Variants in SIPA1 observed in about 807,000 individuals in gnomAD.
The protein encoded by SIPA1 is signal-induced proliferation-associated protein 1.
Under a neutral mutation model 88.1 loss-of-function variants are expected in SIPA1, and 51 were observed. That is an observed-to-expected ratio of 0.58 (90% CI 0.46 to 0.73). The LOEUF is 0.73. Ranked by LOEUF, SIPA1 falls within the 30% of genes least tolerant of loss-of-function variation. The pLI is 0.00. For missense variants in SIPA1, 1,348 were observed against 1,467.6 expected, an observed-to-expected ratio of 0.92 and a Z score of 1.33; for synonymous variants, 681 against 664.8, an observed-to-expected ratio of 1.02 and a Z score of -0.37.
chr11:65,646,860 G>A lies in SIPA1; in HGVS notation c.1826G>A (p.Cys609Tyr). The A allele has an allele frequency of 1.4e-6, 2 of 1,480,646 alleles. No homozygotes were observed. Among genetic ancestry groups the A allele is most frequent in the Non-Finnish European group, 8.9e-7 (1 of 1,118,192 alleles). The allele number at this position is 1,480,646 out of a possible 1,614,324, so 91.7% of individuals were successfully genotyped here. A position where few individuals can be genotyped will look rare whatever the true frequency, so the allele number is the denominator to read the frequency against. Residue 609 changes from cysteine to tyrosine, a missense_variant, in exon 8 of 16, where the codon TGC (cysteine) becomes TAC (tyrosine). Physicochemically the swap from Cys to Tyr is radical, Grantham distance 194 (BLOSUM62 -2). Transcript: ENST00000534313. This position sits in a 1 kb window ranked among gnomAD's most constrained non-coding sequence, Gnocchi z 7.5. ...ASGPEGIEVP[C>Y]LLGISAEALV... The stretch of plus-strand genomic sequence containing the variant: ...GGCCCCGAAGGCATCGAGGTGCCCT[G>A]CCTGCTGGGCATCTCGGCCGAGGCT...
chr11:65,640,880 C>T lies in SIPA1; in HGVS notation c.-42C>T, dbSNP rs770661437. ...AGGCTGGGCACCAAACACCCGTGCC[C>T]GCCAATGCGGCCCAGCCCCCGGAGA... On this transcript the variant is annotated 5_prime_UTR_variant, in exon 2 of 16. Coordinates refer to ENST00000534313, the MANE Select transcript of SIPA1 (RefSeq NM_006747.4). 100 of 1,439,980 alleles carry T rather than the reference C, an allele frequency of 6.9e-5. No homozygotes were observed. The highest frequency in any genetic ancestry group is 8.5e-5 in the Non-Finnish European group (94 of 1,101,436). 89.2% of individuals were successfully genotyped at this position (1,439,980 alleles called of 1,614,324 possible).
chr11:65,647,726 C>G (rs751448218), intron 9 of SIPA1, 68 bp downstream of exon 9: 3 of 1,218,732 alleles, frequency 2.5e-6, no homozygotes, highest in Non-Finnish European at 3.1e-6. Flanking sequence ...CTGCGCCTCC[C>G]GGGTCGCCAT....
intron 1 of SIPA1, 149 bp from the exon 2 acceptor site, chr11:65,640,682 G>A (rs1430652539): frequency 2.1e-6 from 1 of 487,474 alleles, no homozygotes; most frequent in South Asian, 3.6e-5. Flanking sequence ...TTTAGCCCTA[G>A]GCAGACAAGG....
At chr11:65,640,662 G>A (rs1480476087) in intron 1 of SIPA1, 169 bp from the exon 2 acceptor site, 5 of 452,294 alleles carry the variant, frequency 1.1e-5, no homozygotes, top group African/African-American at 2.1e-5. Context: ...CTGGGGAGGG[G>A]GCTGGAAACT....
At position 65,641,579 on chromosome 11, in the gene SIPA1, C is replaced by G. The variant is rs749717835; in HGVS notation, c.658C>G (p.Arg220Gly). 6.2e-7 allele frequency: 1 copy of G among 1,608,996 alleles called. No individual in the cohort carries two copies. The highest frequency in any genetic ancestry group is 8.5e-7 in the Non-Finnish European group (1 of 1,177,978). ...EHADLGAGYY[R>G]KYFYGKEHQN... ...CGCAGACCTGGGTGCTGGCTACTACCGCAAATACTTCTATGGCAAAGGTGA... is the reference window on the plus strand; with the variant it reads ...CGCAGACCTGGGTGCTGGCTACTACGGCAAATACTTCTATGGCAAAGGTGA... Residue 220 changes from arginine to glycine, a missense_variant, in exon 2 of 16, where the codon CGC becomes GGC. Around this residue, in one of 4 missense-constraint regions of SIPA1, gnomAD observed 641 missense variants for 797.7 expected, o/e 0.80. Transcript: ENST00000534313.
At chr11:65,650,376 T>C (rs1453411404) in intron 14 of SIPA1, 25 bp from the exon 15 acceptor site, 1 of 1,611,912 alleles carries the variant, frequency 6.2e-7, no homozygotes, top group East Asian at 2.2e-5. Context: ...TTGGTCCTGC[T>C]GAGTCTTGAC....
intron 9 of SIPA1, among the ~76,000 whole-genome samples, chr11:65,648,923 G>A (rs1856193730): frequency 6.6e-6 from 1 of 152,144 alleles, no homozygotes; most frequent in African/African-American, 2.4e-5. Context: ...AAAGGCACAG[G>A]CTGGATTTGG....
In SIPA1 at chr11:65,650,150, CAG is replaced by C; in HGVS notation, c.2866_2867del (p.Ser956TrpfsTer4). 1 of 1,614,142 alleles carries C rather than the reference CAG, an allele frequency of 6.2e-7. No individual in the cohort carries two copies. Among genetic ancestry groups the C allele is most frequent in the Non-Finnish European group, 8.5e-7 (1 of 1,180,010 alleles). On this transcript the variant is annotated frameshift_variant, in exon 14 of 16. Transcript: ENST00000534313. LOFTEE classifies it high-confidence loss of function. The stretch of plus-strand genomic sequence containing the variant: ...TTTGTCCCCACAGGACAGCCCATCC[CAG>C]AGAGTGGAGACCCTAAGGGAACTCC...
At chr11:65,645,808 A>C (rs1856099346) in intron 5 of SIPA1, 46 bp from the exon 6 acceptor site, 1 of 1,430,368 alleles carries the variant, frequency 7.0e-7, no homozygotes, top group African/African-American at 1.4e-5. Flanking sequence ...AGCCACTTAG[A>C]TTCCCCTTGT....
At chr11:65,647,317 A>G (rs1383199514) in intron 8 of SIPA1, 67 bp from the exon 9 acceptor site, 2 of 1,369,242 alleles carry the variant, frequency 1.5e-6, no homozygotes, top group Non-Finnish European at 1.9e-6. Context: ...GACGCAGTCC[A>G]GGGGGCGGGC....
rs927756188 is a variant in SIPA1, at chr11:65,641,303, T to C, written c.382T>C (p.Trp128Arg). ...HYDVQSLLFD[W>R]APRSQGMGSH... ...TGACGTGCAAAGCCTGCTCTTTGAT[T>C]GGGCTCCGAGGTCTCAGGGGATGGG... The change falls in exon 2 of 16, where the codon TGG (tryptophan) becomes CGG (arginine). Residue 128 changes from tryptophan to arginine, a missense_variant. Transcript: ENST00000534313. 5 of 1,613,502 alleles carry C rather than the reference T, an allele frequency of 3.1e-6. No individual in the cohort carries two copies. In the African/African-American group the frequency reaches 6.7e-5, roughly 22 times the overall value.
Position 65,649,495 on chromosome 11 carries a change from C to G in SIPA1, c.2525+15C>G. 6.2e-7 allele frequency: 1 copy of G among 1,613,694 alleles called. No homozygotes were observed. The highest frequency in any genetic ancestry group is 8.5e-7 in the Non-Finnish European group (1 of 1,179,702). ...TCACCACGCAGGTGCACACTCTTGG[C>G]CTTCCCTCTCCTCCAGGCCTCTGGG... On this transcript the variant is annotated intron_variant, in intron 10 of 15. Transcript: ENST00000534313.
intron 8 of SIPA1, 59 bp downstream of exon 8, chr11:65,647,124 C>T: frequency 7.0e-7 from 1 of 1,427,152 alleles, no homozygotes; most frequent in East Asian, 2.6e-5. Flanking sequence ...CTGCTTTGGA[C>T]CCCTCCCTCC....
chr11:65,647,658 G>C lies in SIPA1; in HGVS notation c.2306G>C (p.Arg769Thr). 1 of 1,357,472 alleles carries C rather than the reference G, an allele frequency of 7.4e-7. No individual in the cohort carries two copies. The highest frequency in any genetic ancestry group is 1.5e-5 in the African/African-American group (1 of 64,750). 84.1% of individuals were successfully genotyped at this position (1,357,472 alleles called of 1,614,324 possible). ...LPPDESGRPR[R>T]SFSELYTLSL... is the part of the protein sequence containing the mutation. ...CCCGACGAGAGCGGCCGGCCCCGCA[G>C]GTCAGGGTGCCGGGGACGCGGGGAG... Residue 769 changes from arginine to threonine, a missense_variant and splice_region_variant, in exon 9 of 16, where the codon AGG becomes ACG. Transcript: ENST00000534313.
At chr11:65,638,745 T>C (rs984319841) in intron 1 of SIPA1, among the ~76,000 whole-genome samples, 1 of 152,182 alleles carries the variant, frequency 6.6e-6, no homozygotes, top group Non-Finnish European at 1.5e-5. Context: ...CTAGCCTCAA[T>C]GGACCCTGTG....
In SIPA1 at chr11:65,642,648, C is replaced by T. The variant is rs1226871157; in HGVS notation, c.984+9C>T. On this transcript the variant is annotated intron_variant, in intron 4 of 15. Transcript: ENST00000534313. This position sits in a 1 kb window ranked among gnomAD's most constrained non-coding sequence, Gnocchi z 6.5. ...CACTGGATGAGCAAGTGGTGAGTGG[C>T]GGGCCGCGGAGCCCCCAGCCATACA... 3 of 1,526,456 alleles carry T rather than the reference C, an allele frequency of 2.0e-6. No homozygotes were observed. The highest frequency in any genetic ancestry group is 1.2e-5 in the South Asian group (1 of 84,452). The allele number at this position is 1,526,456 out of a possible 1,614,324, so 94.6% of individuals were successfully genotyped here.
rs1166669938 is a variant in SIPA1, at chr11:65,650,808, G to GC, written c.*99dup. 1.1e-5 allele frequency: 14 copies of GC among 1,320,222 alleles called. No individual in the cohort carries two copies. Among genetic ancestry groups the GC allele is most frequent in the African/African-American group, 1.0e-4 (7 of 67,592 alleles). The allele number at this position is 1,320,222 out of a possible 1,614,324, so 81.8% of individuals were successfully genotyped here. A position where few individuals can be genotyped will look rare whatever the true frequency, so the allele number is the denominator to read the frequency against. On this transcript the variant is annotated 3_prime_UTR_variant, in exon 16 of 16. Transcript: ENST00000534313. ...CTGCGCAGAGGCGTGTCTTAGCACTGCCCCCCTCCCTAGCCCCTTATTTGG... is the reference window on the plus strand; with the variant it reads ...CTGCGCAGAGGCGTGTCTTAGCACTGCCCCCCCTCCCTAGCCCCTTATTTGG...
intron 5 of SIPA1, 79 bp downstream of exon 5, chr11:65,645,208 C>T (rs1209044033): frequency 7.1e-6 from 10 of 1,399,332 alleles, no homozygotes; most frequent in Non-Finnish European, 9.9e-6. Flanking sequence ...ACTCCTTTGT[C>T]CGTACAATCC....
At position 65,649,152 on chromosome 11, in the gene SIPA1, C is replaced by T. The variant is rs569269704; in HGVS notation, c.2307-110C>T. On this transcript the variant is annotated intron_variant, in intron 9 of 15. Coordinates refer to ENST00000534313, the MANE Select transcript of SIPA1 (RefSeq NM_006747.4). ...ACATTTTTCACTGTTGTCAGGATGCCGGGGAGCTCTCCTGCTCCTGGAAGT... is the reference window on the plus strand; with the variant it reads ...ACATTTTTCACTGTTGTCAGGATGCTGGGGAGCTCTCCTGCTCCTGGAAGT... 125 of 749,976 alleles carry T rather than the reference C, an allele frequency of 1.7e-4. 1 individual carries two copies. The highest frequency in any genetic ancestry group is 2.8e-4 in the Admixed American group (9 of 32,616). 46.5% of individuals were successfully genotyped at this position (749,976 alleles called of 1,614,324 possible).
Sources: gnomAD v4.1 joint callset for allele counts (sites outside exome capture counted in the v4.1 genomes callset) on GRCh38, gnomAD v4.1.1 for gene constraint, gnomAD v4.1.1 regional missense constraint, Gnocchi (gnomAD v3.1) non-coding constraint, MANE v1.5 for transcripts, NCBI Gene and HGNC (gene_info 2026-07-23, HGNC 2026-07-21) for gene names.